Variants in FERRY3 observed in about 807,000 individuals in gnomAD.
FERRY3 encodes the protein FERRY endosomal RAB5 effector complex subunit 3.
At chr12:4,519,125 T>A in the FERRY3 span, among the ~76,000 whole-genome samples, 1 of 152,202 alleles carries the variant, frequency 6.6e-6, no homozygotes, top group Admixed American at 6.5e-5. The surrounding 1 kb of genome is among the most constrained non-coding windows in gnomAD (Gnocchi z 4.3). Flanking sequence ...TAATGTCAAT[T>A]AATATATTGC....
At chr12:4,489,609 G>C in the FERRY3 span, 8 of 388,114 alleles carry the variant, frequency 2.1e-5, no homozygotes, top group African/African-American at 1.2e-4. Flanking sequence ...GAGACTTTAA[G>C]TGTTTAAGTT....
chr12:4,506,890 G>A, the FERRY3 span, among the ~76,000 whole-genome samples: 28 of 152,106 alleles, frequency 1.8e-4, no homozygotes, highest in Middle Eastern at 3.2e-3. Flanking sequence ...ACATGTAGGC[G>A]TGCACAGAAA....
the FERRY3 span, chr12:4,518,031 A>C: frequency 1.9e-6 from 3 of 1,578,264 alleles, no homozygotes; most frequent in Non-Finnish European, 2.6e-6. Context: ...AAATTTAACA[A>C]AATAAATGTG....
the FERRY3 span, among the ~76,000 whole-genome samples, chr12:4,496,075 A>C: frequency 2.2e-4 from 33 of 152,140 alleles, no homozygotes; most frequent in Admixed American, 7.2e-4. Context: ...CACGCACACA[A>C]ACACACACAC....
chr12:4,492,945 A>G, the FERRY3 span, among the ~76,000 whole-genome samples: 83 of 152,280 alleles, frequency 5.5e-4, no homozygotes, highest in Non-Finnish European at 1.0e-3. Flanking sequence ...TCATTCAAGT[A>G]TATCTGCTCA....
At chr12:4,489,715 T>G in the FERRY3 span, 1 of 903,602 alleles carries the variant, frequency 1.1e-6, no homozygotes, top group South Asian at 1.7e-5. Context: ...GTTCTCTTTC[T>G]GGGCATCTTT....
chr12:4,494,092 C>CA, the FERRY3 span, among the ~76,000 whole-genome samples: 3 of 151,666 alleles, frequency 2.0e-5, no homozygotes, highest in Non-Finnish European at 4.4e-5. Flanking sequence ...GACTCCGTCT[C>CA]AAAAAATAAA....
At chr12:4,528,936 CACAA>C in the FERRY3 span, among the ~76,000 whole-genome samples, 9,569 of 137,490 alleles carry the variant, frequency 0.07, 362 homozygotes, top group Non-Finnish European at 0.084. Context: ...CACACACACA[CACAA>C]ACAAAAGTGA....
chr12:4,523,788 A>T, the FERRY3 span, among the ~76,000 whole-genome samples: 1 of 152,112 alleles, frequency 6.6e-6, no homozygotes, highest in East Asian at 1.9e-4. Context: ...GGCGGGGAAC[A>T]TCACACACCA....
the FERRY3 span, chr12:4,518,795 CT>C: frequency 7.0e-6 from 11 of 1,582,552 alleles, no homozygotes; most frequent in Non-Finnish European, 9.5e-6. Flanking sequence ...GTAAAACTTT[CT>C]TCTAACTTTC....
chr12:4,516,508 TA>T, the FERRY3 span, among the ~76,000 whole-genome samples: 1 of 152,176 alleles, frequency 6.6e-6, no homozygotes, highest in Non-Finnish European at 1.5e-5. Flanking sequence ...ATGTGGCACA[TA>T]TACATCATGG....
At chr12:4,499,996 C>T in the FERRY3 span, 1 of 724,224 alleles carries the variant, frequency 1.4e-6, no homozygotes, top group East Asian at 2.7e-5. Context: ...TTATATTTCA[C>T]TCGATTCTAC....
the FERRY3 span, among the ~76,000 whole-genome samples, chr12:4,509,983 G>A: frequency 7.3e-6 from 1 of 137,262 alleles, no homozygotes; most frequent in African/African-American, 3.2e-5. Context: ...AGGCAAAGAA[G>A]TTGAAAACTT....
chr12:4,502,087 C>T, the FERRY3 span, among the ~76,000 whole-genome samples: 1 of 152,224 alleles, frequency 6.6e-6, no homozygotes, highest in Non-Finnish European at 1.5e-5. The surrounding 1 kb of genome is among the most constrained non-coding windows in gnomAD (Gnocchi z 4.2). Flanking sequence ...TCATCAATCA[C>T]ATCTCAGATC....
chr12:4,532,611 A>C, the FERRY3 span, among the ~76,000 whole-genome samples: 1 of 152,172 alleles, frequency 6.6e-6, no homozygotes, highest in Non-Finnish European at 1.5e-5. Flanking sequence ...CAAACATTCT[A>C]GTCTCTGACT....
the FERRY3 span, among the ~76,000 whole-genome samples, chr12:4,537,478 T>C: frequency 2.0e-5 from 3 of 152,182 alleles, no homozygotes; most frequent in African/African-American, 4.8e-5. Flanking sequence ...AATAAATAAT[T>C]GTTGGATTGT....
At chr12:4,533,903 T>G in the FERRY3 span, 1 of 296,220 alleles carries the variant, frequency 3.4e-6, no homozygotes, top group African/African-American at 2.2e-5. Flanking sequence ...TTTTAATTAC[T>G]AAATCTGGAG....
At chr12:4,530,697 T>C in the FERRY3 span, among the ~76,000 whole-genome samples, 2 of 152,200 alleles carry the variant, frequency 1.3e-5, no homozygotes, top group African/African-American at 4.8e-5. Flanking sequence ...TTTAAGGATA[T>C]AAAAATGGTA....
chr12:4,518,610 C>T, the FERRY3 span, among the ~76,000 whole-genome samples: 2 of 152,078 alleles, frequency 1.3e-5, no homozygotes, highest in Non-Finnish European at 2.9e-5. Flanking sequence ...GTAATCCTAG[C>T]ACTTTGGGAG....
Sources: gnomAD v4.1 joint callset for allele counts (sites outside exome capture counted in the v4.1 genomes callset) on GRCh38, gnomAD v4.1.1 for gene constraint, Gnocchi (gnomAD v3.1) non-coding constraint, MANE v1.5 for transcripts, NCBI Gene and HGNC (gene_info 2026-07-23, HGNC 2026-07-21) for gene names.